HNF4G: variants seen among roughly 807,000 people sequenced by gnomAD.
The protein encoded by HNF4G is hepatocyte nuclear factor 4 gamma.
A neutral mutation model predicts 50.9 loss-of-function variants in HNF4G; 21 were observed. That is an observed-to-expected ratio of 0.41 (90% CI 0.29 to 0.59). The LOEUF (loss-of-function observed/expected upper bound fraction) is 0.59, where lower values mean the gene tolerates loss of function less well. Ranked by LOEUF, HNF4G falls within the 20% of genes least tolerant of loss-of-function variation. The pLI is 0.26. For missense variants in HNF4G, 527 were observed against 559.4 expected (o/e 0.94, Z 0.58); for synonymous variants, 198 against 185.6 (o/e 1.07, Z -0.54).
At chr8:75,553,953 C>T (rs1415326945) in intron 5 of HNF4G, among the ~76,000 whole-genome samples, 1 of 151,974 alleles carries the variant, frequency 6.6e-6, no homozygotes, top group Non-Finnish European at 1.5e-5. Flanking sequence ...TTGAACCGTT[C>T]TTACTAAGTA....
At chr8:75,485,915 C>G (rs1812486876) in intron 1 of HNF4G, 1 of 152,160 alleles carries the variant, frequency 6.6e-6, no homozygotes, top group Non-Finnish European at 1.5e-5. Context: ...TTTTGAGATA[C>G]AGCATTTGGT....
intron 1 of HNF4G, among the ~76,000 whole-genome samples, chr8:75,454,657 T>C (rs1811677332): frequency 6.6e-6 from 1 of 152,174 alleles, no homozygotes; most frequent in Non-Finnish European, 1.5e-5. Context: ...TCAGGTCTCT[T>C]AAGTGTCATT....
rs771106728 is a variant in HNF4G, at chr8:75,564,720, C to G, written c.*624C>G. On this transcript the variant is annotated 3_prime_UTR_variant, in exon 10 of 10. Transcript: ENST00000396423. ...TGACTGGATACTTTTTGAAATCTGA[C>G]TTTCTTTGAAGATGTATGTTAAGCA... 6.6e-6 allele frequency: 1 copy of G among 152,082 alleles called. No individual in the cohort carries two copies. Among genetic ancestry groups the G allele is most frequent in the Non-Finnish European group, 1.5e-5 (1 of 68,014 alleles). 9.4% of individuals were successfully genotyped at this position (152,082 alleles called of 1,614,324 possible).
intron 1 of HNF4G, among the ~76,000 whole-genome samples, chr8:75,473,738 C>A (rs1812176624): frequency 6.6e-6 from 1 of 151,986 alleles, no homozygotes; most frequent in Non-Finnish European, 1.5e-5. Context: ...CGGATTGGAA[C>A]TGGGGGGAGT....
At chr8:75,466,907 C>T (rs925699504) in intron 1 of HNF4G, among the ~76,000 whole-genome samples, 5 of 151,974 alleles carry the variant, frequency 3.3e-5, no homozygotes, top group African/African-American at 4.8e-5. Flanking sequence ...TGGTCTTGAA[C>T]TCCTGGGCTC....
chr8:75,560,446 T>C lies in HNF4G; in HGVS notation c.1226T>C (p.Leu409Pro). ...QTILLGPMST[L>P]VHADQISTPE... is the part of the protein sequence containing the mutation. Reference sequence around the variant, plus strand: ...ATACTTTTAGGTCCCATGTCAACACTGGTTCATGCAGACCAGATCTGTAAG... The same window carrying C: ...ATACTTTTAGGTCCCATGTCAACACCGGTTCATGCAGACCAGATCTGTAAG... Residue 409 changes from leucine to proline, a missense_variant, in exon 9 of 10, where the codon CTG becomes CCG. By Grantham distance (98) the Leu-to-Pro change is moderately conservative. This residue lies in a region of HNF4G where 308 missense variants were observed against 301.5 expected (regional missense o/e 1.02). Coordinates refer to ENST00000396423, the MANE Select transcript of HNF4G (RefSeq NM_004133.5). 6.2e-7 allele frequency: 1 copy of C among 1,613,082 alleles called. No individual in the cohort carries two copies. Among genetic ancestry groups the C allele is most frequent in the Non-Finnish European group, 8.5e-7 (1 of 1,179,292 alleles).
chr8:75,437,490 C>T (rs1203624680), intron 1 of HNF4G, among the ~76,000 whole-genome samples: 3 of 152,204 alleles, frequency 2.0e-5, no homozygotes, highest in East Asian at 1.9e-4. Context: ...AAGTATATGT[C>T]GGGGCAAGGG....
chr8:75,456,528 T>C (rs1400545136), intron 1 of HNF4G, among the ~76,000 whole-genome samples: 1 of 152,140 alleles, frequency 6.6e-6, no homozygotes, highest in Non-Finnish European at 1.5e-5. Flanking sequence ...TTATCTTGTT[T>C]GGGCCATTTT....
intron 1 of HNF4G, among the ~76,000 whole-genome samples, chr8:75,474,648 T>A (rs930917860): frequency 6.6e-6 from 1 of 152,112 alleles, no homozygotes; most frequent in Admixed American, 6.5e-5. Context: ...AGGTCAAGAA[T>A]GATGAATAAT....
intron 9 of HNF4G, among the ~76,000 whole-genome samples, 175 bp downstream of exon 9, chr8:75,560,641 T>C (rs537208242): frequency 2.2e-4 from 33 of 152,252 alleles, no homozygotes; most frequent in Middle Eastern, 3.4e-3. Context: ...TCCCTAGACA[T>C]AAGTTTGCTT....
chr8:75,478,187 G>A (rs1028597463), intron 1 of HNF4G, among the ~76,000 whole-genome samples: 2 of 152,012 alleles, frequency 1.3e-5, no homozygotes, highest in African/African-American at 4.8e-5. Context: ...GGTGGCGGGT[G>A]CCTGTGATCC....
chr8:75,543,123 C>T (rs1396152320), intron 1 of HNF4G, among the ~76,000 whole-genome samples: 1 of 152,126 alleles, frequency 6.6e-6, no homozygotes, highest in Non-Finnish European at 1.5e-5. Context: ...ATGGGAATCA[C>T]TTGAACCTGG....
intron 2 of HNF4G, among the ~76,000 whole-genome samples, chr8:75,517,461 ATGGG>A (rs1805922099): frequency 6.6e-6 from 1 of 152,184 alleles, no homozygotes; most frequent in Admixed American, 6.5e-5. Flanking sequence ...CCAACATACG[ATGGG>A]GGTACAGGCA....
intron 1 of HNF4G, among the ~76,000 whole-genome samples, chr8:75,466,617 CTT>C (rs1811987179): frequency 1.8e-5 from 2 of 109,942 alleles, no homozygotes; most frequent in South Asian, 3.3e-4. Context: ...TCCTTCCTTC[CTT>C]CCTTCCTTCC....
chr8:75,542,777 C>T (rs900476990), intron 1 of HNF4G, among the ~76,000 whole-genome samples: 5 of 151,992 alleles, frequency 3.3e-5, no homozygotes, highest in African/African-American at 1.2e-4. Flanking sequence ...AGGTAACAAA[C>T]AGTAGGGCAG....
At chr8:75,556,106 C>A (rs1482571998) in intron 6 of HNF4G, 37 bp downstream of exon 6, 1 of 1,155,632 alleles carries the variant, frequency 8.7e-7, no homozygotes, top group Non-Finnish European at 1.3e-6. Context: ...AGAAATTATG[C>A]ATATTTTATT....
chr8:75,557,069 T>C (rs975537296), intron 6 of HNF4G, among the ~76,000 whole-genome samples: 9 of 152,178 alleles, frequency 5.9e-5, no homozygotes, highest in African/African-American at 1.9e-4. Flanking sequence ...CCTGAAATGC[T>C]ATTAAATACC....
chr8:75,451,130 C>CT (rs889096775), intron 1 of HNF4G, among the ~76,000 whole-genome samples: 24 of 151,104 alleles, frequency 1.6e-4, no homozygotes, highest in East Asian at 9.7e-4. Context: ...ATGTGTATGC[C>CT]TTTTTTTTTG....
intron 1 of HNF4G, among the ~76,000 whole-genome samples, chr8:75,455,287 C>T (rs1401222928): frequency 6.6e-6 from 1 of 152,050 alleles, no homozygotes; most frequent in Non-Finnish European, 1.5e-5. Context: ...TAAATTTAAG[C>T]ATTATATTCC....
Sources: allele counts gnomAD v4.1 joint callset (sites outside exome capture counted in the v4.1 genomes callset), GRCh38; gene constraint gnomAD v4.1.1; regional missense constraint gnomAD v4.1.1; transcripts MANE v1.5; gene names NCBI Gene and HGNC (gene_info 2026-07-23, HGNC 2026-07-21).